Variants in NDUFS1 observed in about 807,000 individuals in gnomAD.
NDUFS1 encodes the protein NADH-ubiquinone oxidoreductase 75 kDa subunit, mitochondrial.
Under a neutral mutation model 84.4 loss-of-function variants are expected in NDUFS1, and 61 were observed. The ratio of observed to expected loss-of-function variants is 0.72; its 90% CI spans 0.59 to 0.89. The LOEUF is 0.89. Among genes scored for constraint, NDUFS1 ranks in the 40% least tolerant of loss-of-function variants. The probability of loss-of-function intolerance (pLI) is 0.00; values close to 1 mark genes in which losing one functional copy is unlikely to be tolerated. For synonymous variants in NDUFS1, 275 were observed against 290.0 expected, an observed-to-expected ratio of 0.95 and a Z score of 0.53; for missense variants, 891 against 890.0, an observed-to-expected ratio of 1.00 and a Z score of -0.01.
rs539046435 is a variant in NDUFS1 at position 206,157,963 on chromosome 2, C to CTTCT, written c.-5+1377_-5+1378insAGAA. Among the ~76,000 whole-genome samples the CTTCT allele has an allele frequency of 6.4e-4, 84 of 131,844 alleles. 11 individuals carry two copies. The highest frequency in any genetic ancestry group is 1.2e-3 in the Admixed American group (15 of 12,738). The allele number at this position is 131,844 out of a possible 152,430, so 86.5% of individuals were successfully genotyped here. A position where few individuals can be genotyped will look rare whatever the true frequency, so the allele number is the denominator to read the frequency against. On this transcript the variant is annotated intron_variant, in intron 1 of 18. Coordinates refer to ENST00000233190, the MANE Select transcript of NDUFS1 (RefSeq NM_005006.7). ...CTCCTTGCCTGGAGTATTTCAATAGCTTTTTTTTTTTTTTTTTTGAGACAG... is the reference window on the plus strand; with the variant it reads ...CTCCTTGCCTGGAGTATTTCAATAGCTTCTTTTTTTTTTTTTTTTTTTGAGACAG...
At chr2:206,140,782 A>G (rs1277730296) in intron 12 of NDUFS1, among the ~76,000 whole-genome samples, 1 of 151,946 alleles carries the variant, frequency 6.6e-6, no homozygotes, top group African/African-American at 2.4e-5. Context: ...CCCAGCCTAA[A>G]TTTCTTCATT....
intron 14 of NDUFS1, 54 bp downstream of exon 14, chr2:206,132,891 C>A (rs1559047095): frequency 1.4e-6 from 2 of 1,474,190 alleles, no homozygotes; most frequent in East Asian, 2.3e-5. Context: ...GGAACACATA[C>A]ATATACACAA....
In NDUFS1 at chr2:206,118,657, T is replaced by C. The variant is rs988257768; in HGVS notation, c.*5528A>G. ...GAATTCTGACATCTTCATCTTTTTA[T>C]AAAAGATGGCCAGGCTGGGTGCGCT... On this transcript the variant is annotated 3_prime_UTR_variant, in exon 19 of 19. Transcript: ENST00000233190. 6.7e-6 allele frequency: 1 copy of C among 149,514 alleles called. No homozygotes were observed. The highest frequency in any genetic ancestry group is 2.5e-5 in the African/African-American group (1 of 40,476). The allele number at this position is 149,514 out of a possible 1,614,324, so 9.3% of individuals were successfully genotyped here.
rs755039425 is a variant in NDUFS1 at position 206,127,894 on chromosome 2, T to TA, written c.1786dup (p.Tyr596LeufsTer5). ...CTGAGCTCTACCCTCAGTGTTGACA[T>TA]ATGTAGCAGACTTCTCTGTGTAAGC... is the stretch of plus-strand genomic sequence containing the variant. On this transcript the variant is annotated frameshift_variant, in exon 16 of 19. Transcript: ENST00000233190. LOFTEE classifies it high-confidence loss of function. 6.2e-7 allele frequency: 1 copy of TA among 1,614,170 alleles called. No homozygotes were observed. Among genetic ancestry groups the TA allele is most frequent in the South Asian group, 1.1e-5 (1 of 91,074 alleles).
chr2:206,146,580 C>T (rs62195385), intron 8 of NDUFS1, among the ~76,000 whole-genome samples: 10,964 of 152,146 alleles, frequency 0.072, 557 homozygotes, highest in Non-Finnish European at 0.1. Flanking sequence ...AAATGACATT[C>T]CTCATAGTTG....
At chr2:206,140,943 T>TATATATATATATACACAC (rs367723817) in intron 12 of NDUFS1, among the ~76,000 whole-genome samples, 1 of 136,108 alleles carries the variant, frequency 7.3e-6, no homozygotes, top group Non-Finnish European at 1.5e-5. Context: ...TATATATATA[T>TATATATATATATACACAC]ACACACACAC....
At chr2:206,140,186 G>T (rs1417985417) in intron 12 of NDUFS1, among the ~76,000 whole-genome samples, 2 of 151,972 alleles carry the variant, frequency 1.3e-5, no homozygotes, top group Non-Finnish European at 2.9e-5. Flanking sequence ...CTCTACAAAA[G>T]GTATTTTAAA....
chr2:206,142,249 G>C (rs1255660917), intron 11 of NDUFS1, among the ~76,000 whole-genome samples, 180 bp from the exon 12 acceptor site: 4 of 151,986 alleles, frequency 2.6e-5, no homozygotes, highest in African/African-American at 9.7e-5. Flanking sequence ...GTCTCACTCT[G>C]TCTCCCACGC....
intron 13 of NDUFS1, among the ~76,000 whole-genome samples, chr2:206,134,722 A>C (rs1428540050): frequency 6.6e-6 from 1 of 152,184 alleles, no homozygotes; most frequent in Non-Finnish European, 1.5e-5. Flanking sequence ...CATGCTTGTA[A>C]TCCCAACACT....
chr2:206,129,741 G>A (rs183057408), intron 15 of NDUFS1, among the ~76,000 whole-genome samples: 28 of 151,924 alleles, frequency 1.8e-4, no homozygotes, highest in African/African-American at 4.3e-4. Context: ...ACAGGCGCCC[G>A]CCACCACGCT....
In NDUFS1 at chr2:206,115,023, T is replaced by C. The variant is rs972166731; in HGVS notation, c.*9162A>G. ...TTTTATGATTATACAAAAAAATTTTTCAGCAGTTCCCTATTGATGGATATT... is the reference window on the plus strand; with the variant it reads ...TTTTATGATTATACAAAAAAATTTTCCAGCAGTTCCCTATTGATGGATATT... On this transcript the variant is annotated 3_prime_UTR_variant, in exon 19 of 19. Coordinates refer to ENST00000233190, the MANE Select transcript of NDUFS1 (RefSeq NM_005006.7). The C allele has an allele frequency of 1.3e-5, 2 of 152,244 alleles. No individual in the cohort carries two copies. Among genetic ancestry groups the C allele is most frequent in the African/African-American group, 4.8e-5 (2 of 41,466 alleles). The allele number at this position is 152,244 out of a possible 1,614,324, so 9.4% of individuals were successfully genotyped here.
At chr2:206,133,160 C>T (rs2105953012) in intron 13 of NDUFS1, 55 bp from the exon 14 acceptor site, 1 of 1,433,114 alleles carries the variant, frequency 7.0e-7, no homozygotes, top group Non-Finnish European at 9.6e-7. Context: ...AAGCTGAACA[C>T]CAAACCATAT....
In NDUFS1 at chr2:206,142,701, G is replaced by A. The variant is rs1692009981; in HGVS notation, c.1118C>T (p.Pro373Leu). Reference sequence around the variant, plus strand: ...TATTTCTCACCCAGCTCCTGCAGTGGGGAAGACCTCTTCAGTGCATAAGGT... The same window carrying A: ...TATTTCTCACCCAGCTCCTGCAGTGAGGAAGACCTCTTCAGTGCATAAGGT... ...SDTLCTEEVF[P>L]TAGAGTDLRS... Residue 373 changes from proline to leucine, a missense_variant, in exon 11 of 19, where the codon CCC becomes CTC. Coordinates refer to ENST00000233190, the MANE Select transcript of NDUFS1 (RefSeq NM_005006.7). 6.2e-7 allele frequency: 1 copy of A among 1,614,008 alleles called. No homozygotes were observed. Among genetic ancestry groups the A allele is most frequent in the Admixed American group, 1.7e-5 (1 of 59,988 alleles).
At chr2:206,142,889 G>A in intron 10 of NDUFS1, 58 bp from the exon 11 acceptor site, 1 of 1,591,244 alleles carries the variant, frequency 6.3e-7, no homozygotes, top group Middle Eastern at 1.7e-4. Flanking sequence ...AGACCACAAT[G>A]AAATGTTCAG....
chr2:206,126,695 T>C lies in NDUFS1; in HGVS notation c.2019+15A>G, dbSNP rs750673640. 4.6e-5 allele frequency: 74 copies of C among 1,613,972 alleles called. 1 individual carries two copies. In the South Asian group the frequency reaches 7.5e-4, roughly 16 times the overall value. On this transcript the variant is annotated intron_variant, in intron 17 of 18. Coordinates refer to ENST00000233190, the MANE Select transcript of NDUFS1 (RefSeq NM_005006.7). ...GATACAACATTATGAAAACTGCTCATAGGCGAGCTGTTACCTTTGAGAGCT... is the reference window on the plus strand; with the variant it reads ...GATACAACATTATGAAAACTGCTCACAGGCGAGCTGTTACCTTTGAGAGCT...
At chr2:206,158,586 C>T (rs1687771398) in intron 1 of NDUFS1, among the ~76,000 whole-genome samples, 1 of 152,154 alleles carries the variant, frequency 6.6e-6, no homozygotes, top group Admixed American at 6.5e-5. Context: ...AGTGCAGGTG[C>T]TCTGGCAGCC....
rs923432750 is a variant in NDUFS1 at position 206,120,986 on chromosome 2, C to T, written c.*3199G>A. The T allele has an allele frequency of 6.6e-6, 1 of 152,238 alleles. No homozygotes were observed. Among genetic ancestry groups the T allele is most frequent in the African/African-American group, 2.4e-5 (1 of 41,458 alleles). The allele number at this position is 152,238 out of a possible 1,614,324, so 9.4% of individuals were successfully genotyped here. ...GAGGCAACCTGGGATAGTAAAAGTA[C>T]TTCTAATTAAACACTCCTGCCATTA... On this transcript the variant is annotated 3_prime_UTR_variant, in exon 19 of 19. Coordinates refer to ENST00000233190, the MANE Select transcript of NDUFS1 (RefSeq NM_005006.7).
intron 18 of NDUFS1, among the ~76,000 whole-genome samples, chr2:206,124,771 G>A (rs958125114): frequency 2.1e-4 from 32 of 150,532 alleles, no homozygotes; most frequent in Non-Finnish European, 3.4e-4. Flanking sequence ...CCTAGGAGGC[G>A]GAGCTTGCAG....
At chr2:206,126,496 C>T (rs770339444) in intron 18 of NDUFS1, 43 bp downstream of exon 18, 1 of 1,563,202 alleles carries the variant, frequency 6.4e-7, no homozygotes, top group East Asian at 2.2e-5. Context: ...CTGATTACTT[C>T]TTACCTTTCG....
Sources: gnomAD v4.1 joint callset for allele counts (sites outside exome capture counted in the v4.1 genomes callset) on GRCh38, gnomAD v4.1.1 for gene constraint, MANE v1.5 for transcripts, NCBI Gene and HGNC (gene_info 2026-07-23, HGNC 2026-07-21) for gene names.